Variants in GOLM2 observed in about 807,000 individuals in gnomAD.
The protein encoded by GOLM2 is protein GOLM2.
Under a neutral mutation model 55.9 loss-of-function variants are expected in GOLM2, and 26 were observed. That is an observed-to-expected ratio of 0.47 (90% CI 0.34 to 0.65). The LOEUF (loss-of-function observed/expected upper bound fraction) is 0.65. GOLM2 is among the 30% of genes least tolerant of loss of function. GOLM2 has a pLI of 0.01. For missense variants in GOLM2, 486 were observed against 531.8 expected (o/e 0.91, Z 0.85); for synonymous variants, 165 against 194.6 (o/e 0.85, Z 1.27).
chr15:44,370,371 TA>T (rs1298025503), intron 6 of GOLM2, among the ~76,000 whole-genome samples: 1 of 152,214 alleles, frequency 6.6e-6, no homozygotes, highest in African/African-American at 2.4e-5. Context: ...GCATGGCCTT[TA>T]ACTCTAGAGT....
At chr15:44,359,925 A>G (rs1356491565) in intron 6 of GOLM2, among the ~76,000 whole-genome samples, 1 of 152,108 alleles carries the variant, frequency 6.6e-6, no homozygotes, top group Non-Finnish European at 1.5e-5. Context: ...AGAATTTTCA[A>G]CCCAGAATTT....
At position 44,332,006 on chromosome 15, in the gene GOLM2, G is replaced by T. The variant is rs1452985983; in HGVS notation, c.504G>T (p.Gln168His). ...AATTTAGTTTTCAGTGTGGACAGCA[G>T]ATGAAGGAATTGAGAGCACAGCATG... ...LEYESFQCGQQMKELRAQHEE... is the reference protein window; with the variant it reads ...LEYESFQCGQHMKELRAQHEE... The change falls in exon 4 of 10, where the codon CAG (glutamine) becomes CAT (histidine). Residue 168 changes from glutamine (Q) to histidine (H), a missense_variant. By Grantham distance (24) the Gln-to-His change is conservative. Coordinates refer to ENST00000299957, the MANE Select transcript of GOLM2 (RefSeq NM_138423.4). 1 of 1,605,454 alleles carries T rather than the reference G, an allele frequency of 6.2e-7. No individual in the cohort carries two copies. The highest frequency in any genetic ancestry group is 1.7e-5 in the Admixed American group (1 of 59,508).
intron 9 of GOLM2, among the ~76,000 whole-genome samples, chr15:44,411,404 A>G (rs2079637732): frequency 6.6e-6 from 1 of 152,196 alleles, no homozygotes; most frequent in Non-Finnish European, 1.5e-5. Context: ...AAACTATAGT[A>G]TACATATGAA....
chr15:44,347,072 T>G (rs2079130286), intron 6 of GOLM2, among the ~76,000 whole-genome samples: 1 of 152,086 alleles, frequency 6.6e-6, no homozygotes, highest in African/African-American at 2.4e-5. Flanking sequence ...TGCAGTGAAC[T>G]GTGATTGCAC....
intron 8 of GOLM2, among the ~76,000 whole-genome samples, chr15:44,400,012 C>T (rs746068972): frequency 2.0e-5 from 3 of 151,538 alleles, no homozygotes; most frequent in Non-Finnish European, 2.9e-5. Context: ...ATATAGATTT[C>T]TGTAAATCTC....
At chr15:44,299,082 A>G (rs531429578) in intron 1 of GOLM2, among the ~76,000 whole-genome samples, 1 of 152,324 alleles carries the variant, frequency 6.6e-6, no homozygotes, top group African/African-American at 2.4e-5. Context: ...GCCAGAAGCC[A>G]GGAGCCTCCC....
intron 2 of GOLM2, among the ~76,000 whole-genome samples, chr15:44,323,289 C>CA (rs1351668358): frequency 1.0e-4 from 15 of 150,216 alleles, no homozygotes; most frequent in East Asian, 1.9e-4. Context: ...AGAGAATACT[C>CA]AAAAAAAAAT....
At chr15:44,363,209 A>G (rs1256358048) in intron 6 of GOLM2, among the ~76,000 whole-genome samples, 1 of 152,204 alleles carries the variant, frequency 6.6e-6, no homozygotes, top group African/African-American at 2.4e-5. Flanking sequence ...TAGTTAAACT[A>G]AAGAGCTTCT....
chr15:44,301,345 C>A (rs2078796019), intron 1 of GOLM2, among the ~76,000 whole-genome samples: 1 of 152,086 alleles, frequency 6.6e-6, no homozygotes, highest in African/African-American at 2.4e-5. Context: ...TTAATAATAC[C>A]CATTTATCTT....
chr15:44,375,336 C>CA (rs1234769915), intron 6 of GOLM2, among the ~76,000 whole-genome samples: 4 of 152,090 alleles, frequency 2.6e-5, no homozygotes, highest in African/African-American at 9.7e-5. Context: ...GCTTTGATAT[C>CA]AATCATTGTC....
intron 1 of GOLM2, among the ~76,000 whole-genome samples, chr15:44,302,408 G>C (rs1369958689): frequency 6.6e-6 from 1 of 152,060 alleles, no homozygotes; most frequent in African/African-American, 2.4e-5. Context: ...GCCTCCCAAA[G>C]TGCTGGGATT....
At chr15:44,304,242 T>C (rs1426728041) in intron 1 of GOLM2, among the ~76,000 whole-genome samples, 1 of 136,692 alleles carries the variant, frequency 7.3e-6, no homozygotes, top group African/African-American at 2.7e-5. Flanking sequence ...TTTTTTTTTT[T>C]TTTTTTTTTT....
At chr15:44,388,846 C>T (rs183344579) in intron 8 of GOLM2, among the ~76,000 whole-genome samples, 18 of 151,952 alleles carry the variant, frequency 1.2e-4, no homozygotes, top group Admixed American at 6.6e-4. Context: ...GACGGAGTCT[C>T]GGTCTGTCGC....
intron 8 of GOLM2, among the ~76,000 whole-genome samples, chr15:44,389,781 C>G (rs1251853981): frequency 6.6e-6 from 1 of 152,136 alleles, no homozygotes; most frequent in Non-Finnish European, 1.5e-5. Context: ...TCCTTGGGCT[C>G]AAGGGATCAT....
chr15:44,337,919 A>G lies in GOLM2; in HGVS notation c.721+12A>G. 1 of 1,575,624 alleles carries G rather than the reference A, an allele frequency of 6.3e-7. No homozygotes were observed. The highest frequency in any genetic ancestry group is 8.6e-7 in the Non-Finnish European group (1 of 1,168,464). On this transcript the variant is annotated intron_variant, in intron 5 of 9. Transcript: ENST00000299957. Reference sequence around the variant, plus strand: ...TCCACATGGGAAAGGTATTATTGTTATTATTCTTTTGTTTTGTATTAATAG... The same window carrying G: ...TCCACATGGGAAAGGTATTATTGTTGTTATTCTTTTGTTTTGTATTAATAG...
intron 6 of GOLM2, among the ~76,000 whole-genome samples, chr15:44,338,565 C>T (rs113195517): frequency 1.9e-4 from 29 of 152,140 alleles, no homozygotes; most frequent in South Asian, 4.1e-4. Flanking sequence ...CTTTTCTTTG[C>T]GACTCTGAGT....
intron 6 of GOLM2, among the ~76,000 whole-genome samples, chr15:44,367,217 T>C (rs913569812): frequency 6.6e-6 from 1 of 151,582 alleles, no homozygotes; most frequent in Non-Finnish European, 1.5e-5. Context: ...GGCCCTTTTT[T>C]TTTTTTTTTT....
intron 6 of GOLM2, among the ~76,000 whole-genome samples, chr15:44,360,447 A>C (rs1165446201): frequency 6.6e-6 from 1 of 152,218 alleles, no homozygotes; most frequent in Non-Finnish European, 1.5e-5. Flanking sequence ...AGATCAAAAG[A>C]GACAAAGAAG....
intron 6 of GOLM2, among the ~76,000 whole-genome samples, chr15:44,374,666 G>A (rs1211534904): frequency 2.0e-5 from 3 of 152,230 alleles, no homozygotes; most frequent in Admixed American, 6.5e-5. Flanking sequence ...TCACATGGCC[G>A]GAGAAGGAGG....
Sources: gnomAD v4.1 joint callset for allele counts (sites outside exome capture counted in the v4.1 genomes callset) on GRCh38, gnomAD v4.1.1 for gene constraint, MANE v1.5 for transcripts, NCBI Gene and HGNC (gene_info 2026-07-23, HGNC 2026-07-21) for gene names.